INPP5B: variants seen among roughly 807,000 people sequenced by gnomAD.
INPP5B encodes inositol polyphosphate-5-phosphatase B.
A neutral mutation model predicts 118.5 loss-of-function variants in INPP5B; 90 were observed. The observed-to-expected ratio is 0.76, with a 90% CI of 0.64 to 0.90. The LOEUF (loss-of-function observed/expected upper bound fraction) is 0.90. Among genes scored for constraint, INPP5B ranks in the 40% least tolerant of loss-of-function variants. The probability of loss-of-function intolerance (pLI) is 0.00; values close to 1 mark genes in which losing one functional copy is unlikely to be tolerated. For missense variants in INPP5B, 984 were observed against 1,125.6 expected, an observed-to-expected ratio of 0.87 and a Z score of 1.80; for synonymous variants, 385 against 418.9, an observed-to-expected ratio of 0.92 and a Z score of 0.99.
chr1:37,873,474 C>A, intron 18 of INPP5B: 1 of 378,652 alleles, frequency 2.6e-6, no homozygotes, highest in South Asian at 2.6e-5. Context: ...ATCAAAGAGC[C>A]TTCCCTGAGC....
At chr1:37,865,172 G>C (rs1641953208) in intron 22 of INPP5B, among the ~76,000 whole-genome samples, 1 of 151,130 alleles carries the variant, frequency 6.6e-6, no homozygotes, top group Admixed American at 6.6e-5. Flanking sequence ...GACACAGCAA[G>C]ACTCCATCTC....
chr1:37,942,570 C>T (rs1344440014), intron 5 of INPP5B, among the ~76,000 whole-genome samples: 1 of 151,854 alleles, frequency 6.6e-6, no homozygotes, highest in Non-Finnish European at 1.5e-5. Context: ...TTAAATATGT[C>T]AATATAAAGA....
rs12752414 is a variant in INPP5B at position 37,875,846 on chromosome 1, G to A, written c.1678-130C>T. On this transcript the variant is annotated intron_variant, in intron 16 of 23. Transcript: ENST00000373024. The stretch of plus-strand genomic sequence containing the variant: ...ACAGAAAACAAAGGCTATAGATTTA[G>A]TTAATTAATGAACTCCATTAACAAT... The A allele has an allele frequency of 0.99, 624,192 of 632,836 alleles. 308,341 individuals are homozygous for A. Among genetic ancestry groups the A allele is most frequent in the East Asian group, 1 (35,604 of 35,604 alleles). 39.2% of individuals were successfully genotyped at this position (632,836 alleles called of 1,614,324 possible). A position where few individuals can be genotyped will look rare whatever the true frequency, so the allele number is the denominator to read the frequency against.
intron 9 of INPP5B, 101 bp from the exon 10 acceptor site, chr1:37,888,445 G>T: frequency 1.6e-6 from 1 of 630,084 alleles, no homozygotes; most frequent in East Asian, 3.2e-5. Flanking sequence ...TCTGTGGACT[G>T]GCATTTTGAG....
intron 19 of INPP5B, among the ~76,000 whole-genome samples, chr1:37,871,139 C>T (rs181997667): frequency 8.8e-6 from 1 of 114,020 alleles, no homozygotes; most frequent in African/African-American, 3.5e-5. Flanking sequence ...GCCTGGGTGA[C>T]AGAGTAAGAC....
At chr1:37,936,880 T>C (rs1645715439) in intron 6 of INPP5B, among the ~76,000 whole-genome samples, 1 of 151,792 alleles carries the variant, frequency 6.6e-6, no homozygotes, top group Non-Finnish European at 1.5e-5. Context: ...AGTAGAACTA[T>C]ATAATCCTGC....
At chr1:37,925,983 G>A (rs1645213211) in intron 7 of INPP5B, among the ~76,000 whole-genome samples, 1 of 152,162 alleles carries the variant, frequency 6.6e-6, no homozygotes, top group African/African-American at 2.4e-5. Flanking sequence ...TGTTCTCTAA[G>A]ATAAACAAAA....
At chr1:37,883,225 G>A (rs182074332) in intron 13 of INPP5B, 1 of 985,384 alleles carries the variant, frequency 1.0e-6, no homozygotes, top group African/African-American at 1.7e-5. Context: ...TTCCTGGGAA[G>A]AGGGAAAAAA....
Position 37,945,803 on chromosome 1 carries a change from G to T in INPP5B, c.105C>A (p.Leu35=). 6.2e-7 allele frequency: 1 copy of T among 1,614,026 alleles called. No homozygotes were observed. Among genetic ancestry groups the T allele is most frequent in the Non-Finnish European group, 8.5e-7 (1 of 1,179,998 alleles). Residue 35 remains leucine, a synonymous_variant, in exon 3 of 24, where the codon CTC becomes CTA. Coordinates refer to ENST00000373024, the MANE Select transcript of INPP5B (RefSeq NM_005540.3). ...CCAGGCGGTAGCGCACGAGTCCCAG[G>T]AGGCGGCTCTGCCGGCTGTCCCCCT... ...LCEGDSRQSR[L]LGLVRYRLEH...
chr1:37,872,370 C>CAA (rs371968500), intron 19 of INPP5B, among the ~76,000 whole-genome samples: 24,097 of 101,802 alleles, frequency 0.24, 3,653 homozygotes, highest in Non-Finnish European at 0.28. Context: ...AACTCCGTCT[C>CAA]AAAAAAAAAA....
At position 37,869,362 on chromosome 1, in the gene INPP5B, C is replaced by T. The variant is rs377390678; in HGVS notation, c.2188-748G>A. Among the ~76,000 whole-genome samples, 75 of 151,768 alleles carry T rather than the reference C, an allele frequency of 4.9e-4. 1 individual carries two copies. The South Asian group carries it at 0.015, about 31-fold the overall frequency. ...GTCTCGCTATGCTGCCCAGGCTGGT[C>T]TTGAACACTTGGACTCAAGTGATCT... On this transcript the variant is annotated intron_variant, in intron 19 of 23. Transcript: ENST00000373024.
chr1:37,912,735 T>C (rs1198064127), intron 7 of INPP5B, among the ~76,000 whole-genome samples: 1 of 152,072 alleles, frequency 6.6e-6, no homozygotes, highest in Non-Finnish European at 1.5e-5. Context: ...CTCCGATACT[T>C]TTACCCTGAT....
At chr1:37,937,434 C>T (rs1645737930) in intron 6 of INPP5B, among the ~76,000 whole-genome samples, 1 of 152,150 alleles carries the variant, frequency 6.6e-6, no homozygotes, top group African/African-American at 2.4e-5. Context: ...GAGTTCAAGA[C>T]TAGCCTGGCC....
intron 7 of INPP5B, among the ~76,000 whole-genome samples, chr1:37,897,261 T>G (rs978564075): frequency 1.3e-5 from 2 of 150,322 alleles, no homozygotes; most frequent in East Asian, 2.0e-4. Context: ...GAACGGGCCA[T>G]GATGACAATG....
At position 37,862,046 on chromosome 1, in the gene INPP5B, A is replaced by T; in HGVS notation, c.*269T>A. The T allele has an allele frequency of 2.9e-6, 1 of 342,044 alleles. No individual in the cohort carries two copies. The highest frequency in any genetic ancestry group is 5.3e-6 in the Non-Finnish European group (1 of 188,500). 21.2% of individuals were successfully genotyped at this position (342,044 alleles called of 1,614,324 possible). On this transcript the variant is annotated 3_prime_UTR_variant, in exon 24 of 24. Transcript: ENST00000373024. ...GCAAAACTCCGTCTCAAAATAAAAA[A>T]AAATAAAAAATAAAAAAATCTGTGT... is the stretch of plus-strand genomic sequence containing the variant.
intron 7 of INPP5B, among the ~76,000 whole-genome samples, chr1:37,897,156 A>AG (rs1268247656): frequency 1.3e-5 from 2 of 150,944 alleles, no homozygotes; most frequent in Non-Finnish European, 3.0e-5. Flanking sequence ...CCGGGAGGTG[A>AG]GGGGCGCCTC....
intron 7 of INPP5B, among the ~76,000 whole-genome samples, chr1:37,899,320 T>C (rs1018427792): frequency 1.3e-5 from 2 of 151,714 alleles, no homozygotes; most frequent in African/African-American, 4.8e-5. Flanking sequence ...CAACACCACT[T>C]TGGGAGGCCG....
chr1:37,917,771 AAAAT>A (rs951386213), intron 7 of INPP5B, among the ~76,000 whole-genome samples: 1 of 152,150 alleles, frequency 6.6e-6, no homozygotes, highest in East Asian at 1.9e-4. Flanking sequence ...CCATCTCTTA[AAAAT>A]AAATAAATAA....
intron 21 of INPP5B, 55 bp downstream of exon 21, chr1:37,866,404 T>TCACACACA (rs1491111834): frequency 0.014 from 4,950 of 364,362 alleles, 23 homozygotes; most frequent in African/African-American, 0.042. Flanking sequence ...TCTCTCTCTC[T>TCACACACA]CTCACACACA....
Sources: gnomAD v4.1 joint callset for allele counts (sites outside exome capture counted in the v4.1 genomes callset) on GRCh38, gnomAD v4.1.1 for gene constraint, MANE v1.5 for transcripts, NCBI Gene and HGNC (gene_info 2026-07-23, HGNC 2026-07-21) for gene names.